Variants in PRKCH observed in about 807,000 individuals in gnomAD.
PRKCH encodes protein kinase C eta.
A neutral mutation model predicts 82.5 loss-of-function variants in PRKCH; 28 were observed. That is an observed-to-expected ratio of 0.34 (90% CI 0.25 to 0.47). The LOEUF is 0.47. PRKCH is among the 20% of genes least tolerant of loss of function. The pLI, the probability that PRKCH is intolerant of heterozygous loss-of-function variation, is 1.00. For synonymous variants in PRKCH, 322 were observed against 327.4 expected (o/e 0.98, Z 0.18); for missense variants, 705 against 881.8 (o/e 0.80, Z 2.54).
chr14:61,495,369 C>T (rs1301075088), intron 10 of PRKCH, among the ~76,000 whole-genome samples: 1 of 152,192 alleles, frequency 6.6e-6, no homozygotes, highest in Non-Finnish European at 1.5e-5. Flanking sequence ...TGGCTTTCAC[C>T]AGCTAATGAA....
At chr14:61,426,717 C>A (rs1173262613) in intron 2 of PRKCH, among the ~76,000 whole-genome samples, 1 of 152,086 alleles carries the variant, frequency 6.6e-6, no homozygotes, top group Non-Finnish European at 1.5e-5. Flanking sequence ...GGTTTCTGTT[C>A]AAAAAATTTT....
At chr14:61,409,903 T>G (rs370524308) in intron 2 of PRKCH, among the ~76,000 whole-genome samples, 1 of 152,160 alleles carries the variant, frequency 6.6e-6, no homozygotes, top group Non-Finnish European at 1.5e-5. Context: ...TTTCCTCCTG[T>G]TACTAGGAGC....
At chr14:61,340,236 G>A (rs996669242) in intron 1 of PRKCH, among the ~76,000 whole-genome samples, 18 of 152,056 alleles carry the variant, frequency 1.2e-4, no homozygotes, top group African/African-American at 4.3e-4. Flanking sequence ...TCTTTGTCTT[G>A]TTGGCTGCTA....
chr14:61,303,668 T>C (rs1424158414), intron 1 of PRKCH: 1 of 152,084 alleles, frequency 6.6e-6, no homozygotes, highest in African/African-American at 2.4e-5. Context: ...TTTAGTTCAT[T>C]TATATTTAAT....
intron 4 of PRKCH, 66 bp downstream of exon 4, chr14:61,445,792 G>A: frequency 2.0e-6 from 3 of 1,466,408 alleles, no homozygotes; most frequent in South Asian, 2.3e-5. Flanking sequence ...ATTATACCAA[G>A]AGAAAACAGG....
chr14:61,273,154 G>C (rs2045173052), intron 1 of PRKCH, among the ~76,000 whole-genome samples: 1 of 152,166 alleles, frequency 6.6e-6, no homozygotes, highest in Admixed American at 6.5e-5. Flanking sequence ...TTCTGTGGCA[G>C]ATCAGACTAA....
intron 11 of PRKCH, 50 bp downstream of exon 11, chr14:61,529,263 T>A (rs1189851888): frequency 6.5e-7 from 1 of 1,550,154 alleles, no homozygotes. Flanking sequence ...CTCCAGTAAC[T>A]CTGACCAGAA....
At chr14:61,393,749 T>G (rs902282898) in intron 2 of PRKCH, among the ~76,000 whole-genome samples, 1 of 152,230 alleles carries the variant, frequency 6.6e-6, no homozygotes, top group African/African-American at 2.4e-5. Context: ...TAGGCTTGAA[T>G]TTTGTCAATT....
At chr14:61,373,445 A>G (rs890933586) in intron 1 of PRKCH, among the ~76,000 whole-genome samples, 9 of 152,050 alleles carry the variant, frequency 5.9e-5, no homozygotes, top group South Asian at 4.2e-4. Context: ...CCATGATTCA[A>G]TAACTTCCCA....
intron 1 of PRKCH, among the ~76,000 whole-genome samples, chr14:61,352,738 G>GA (rs1301909983): frequency 6.7e-6 from 1 of 149,004 alleles, no homozygotes; most frequent in Non-Finnish European, 1.5e-5. Flanking sequence ...AAGAAAGAAA[G>GA]AAAGATGTCC....
chr14:61,329,234 C>CTTTTTTTTTTT lies in PRKCH; in HGVS notation c.363+6780_363+6790dup, dbSNP rs71117812. ...ACTGCTCTTAGATAAACTCCTGAGT[C>CTTTTTTTTTTT]TTTTTTTTTTTTTTTTTTTTGAGAC... On this transcript the variant is annotated intron_variant, in intron 1 of 13. Coordinates refer to ENST00000332981, the MANE Select transcript of PRKCH (RefSeq NM_006255.5). 5.9e-3 allele frequency among the ~76,000 whole-genome samples: 375 copies of CTTTTTTTTTTT among 63,470 alleles called. 32 individuals are homozygous for CTTTTTTTTTTT. The highest frequency in any genetic ancestry group is 6.0e-3 in the Non-Finnish European group (228 of 37,716). The allele number at this position is 63,470 out of a possible 152,430, so 41.6% of individuals were successfully genotyped here.
chr14:61,325,707 A>G lies in PRKCH; in HGVS notation c.363+3243A>G, dbSNP rs118087409. Among the ~76,000 whole-genome samples the G allele has an allele frequency of 6.1e-3, 936 of 152,318 alleles. 41 individuals carry two copies. In the East Asian group the frequency reaches 0.096, roughly 16 times the overall value. The stretch of plus-strand genomic sequence containing the variant: ...TGGGGGAAAATAACTGCAATACGTA[A>G]ATGAAAGATGTGTAACATGAATATA... On this transcript the variant is annotated intron_variant, in intron 1 of 13. Coordinates refer to ENST00000332981, the MANE Select transcript of PRKCH (RefSeq NM_006255.5).
At chr14:61,528,136 T>A (rs1156606245) in intron 10 of PRKCH, 1 of 136,776 alleles carries the variant, frequency 7.3e-6, no homozygotes, top group African/African-American at 2.8e-5. Context: ...ATATGAAATA[T>A]ATATCTATTT....
In PRKCH at chr14:61,357,951, G is replaced by A. The variant is rs1333999779; in HGVS notation, c.364-33274G>A. On this transcript the variant is annotated intron_variant, in intron 1 of 13. Transcript: ENST00000332981. ...TCTGCCTTGCACTGCCTGGTGACCAGATTCTGCTGGTTGTCATGTGAGTAT... is the reference window on the plus strand; with the variant it reads ...TCTGCCTTGCACTGCCTGGTGACCAAATTCTGCTGGTTGTCATGTGAGTAT... 5.3e-5 allele frequency among the ~76,000 whole-genome samples: 8 copies of A among 152,260 alleles called. No homozygotes were observed. The East Asian group carries it at 1.2e-3, about 22-fold the overall frequency.
At chr14:61,540,948 T>C (rs2043175931) in intron 12 of PRKCH, among the ~76,000 whole-genome samples, 2 of 152,270 alleles carry the variant, frequency 1.3e-5, no homozygotes, top group Admixed American at 6.5e-5. Context: ...TCAGGAAGTC[T>C]GTTGTCTGTC....
At chr14:61,325,205 G>C (rs2045677604) in intron 1 of PRKCH, among the ~76,000 whole-genome samples, 1 of 152,202 alleles carries the variant, frequency 6.6e-6, no homozygotes, top group South Asian at 2.1e-4. Flanking sequence ...TAGAGTATCT[G>C]ATTTCAAGGC....
chr14:61,331,833 T>C (rs1328469401), intron 1 of PRKCH, among the ~76,000 whole-genome samples: 1 of 152,252 alleles, frequency 6.6e-6, no homozygotes, highest in Non-Finnish European at 1.5e-5. Flanking sequence ...TTATCAAAGT[T>C]AGTAACTCCT....
At chr14:61,263,623 C>T (rs2045069613) in intron 1 of PRKCH, among the ~76,000 whole-genome samples, 1 of 152,126 alleles carries the variant, frequency 6.6e-6, no homozygotes, top group Non-Finnish European at 1.5e-5. Context: ...CTATCTATAC[C>T]TATTTGTATC....
At chr14:61,416,053 C>CTT (rs71117815) in intron 2 of PRKCH, among the ~76,000 whole-genome samples, 43,960 of 93,488 alleles carry the variant, frequency 0.47, 10,873 homozygotes, top group Non-Finnish European at 0.59. Context: ...CTTTTCTTTT[C>CTT]TTTTTTTTTT....
Sources: gnomAD v4.1 joint callset for allele counts (sites outside exome capture counted in the v4.1 genomes callset) on GRCh38, gnomAD v4.1.1 for gene constraint, MANE v1.5 for transcripts, NCBI Gene and HGNC (gene_info 2026-07-23, HGNC 2026-07-21) for gene names.